Variants in FOXN3 observed in about 807,000 individuals in gnomAD.
FOXN3 encodes forkhead box N3.
In FOXN3, 7 loss-of-function variants were observed where a neutral mutation model predicts 38.4. The observed-to-expected ratio is 0.18, with a 90% CI of 0.10 to 0.34. The LOEUF is 0.34. FOXN3 is among the 10% of genes least tolerant of loss of function. FOXN3 has a pLI of 1.00. For missense variants in FOXN3, 456 were observed against 613.4 expected, an observed-to-expected ratio of 0.74 and a Z score of 2.71; for synonymous variants, 230 against 242.2, an observed-to-expected ratio of 0.95 and a Z score of 0.47.
chr14:89,360,777 A>AGCACCACCTCCAGCACCACCT (rs1889500671), intron 2 of FOXN3, among the ~76,000 whole-genome samples: 1 of 85,092 alleles, frequency 1.2e-5, no homozygotes, highest in Non-Finnish European at 2.4e-5. Flanking sequence ...TACCACCTCC[A>AGCACCACCTCCAGCACCACCT]CCACCACCTC....
rs555968083 is a variant in FOXN3, at chr14:89,168,857, T to C, written c.852-5888A>G. Among the ~76,000 whole-genome samples the C allele has an allele frequency of 6.9e-4, 105 of 152,276 alleles. 1 individual carries two copies. The highest frequency in any genetic ancestry group is 2.4e-3 in the African/African-American group (99 of 41,554). ...GACACAAAAAAGACAAAAAGATTTT[T>C]AAAGTAGTAGAAAGAAAACGTATCG... is the stretch of plus-strand genomic sequence containing the variant. On this transcript the variant is annotated intron_variant, in intron 5 of 5. Transcript: ENST00000557258.
upstream of FOXN3, among the ~76,000 whole-genome samples, chr14:89,421,481 C>G (rs1200033855): frequency 6.7e-6 from 1 of 149,648 alleles, no homozygotes; most frequent in African/African-American, 2.5e-5. Flanking sequence ...TGAAATCGTG[C>G]AATTGTCCGT....
intron 4 of FOXN3, among the ~76,000 whole-genome samples, chr14:89,237,856 CATCT>C (rs777728744): frequency 8.5e-5 from 13 of 152,216 alleles, no homozygotes; most frequent in African/African-American, 1.4e-4. Flanking sequence ...TATGACATCA[CATCT>C]ATCTATCTGT....
intron 4 of FOXN3, among the ~76,000 whole-genome samples, chr14:89,219,604 C>A (rs866087541): frequency 6.6e-6 from 1 of 152,076 alleles, no homozygotes; most frequent in African/African-American, 2.4e-5. Context: ...TGGATGGCTG[C>A]GACTCTTACC....
At chr14:89,565,260 C>G (rs1331688879) in intron 1 of FOXN3, among the ~76,000 whole-genome samples, 1 of 152,076 alleles carries the variant, frequency 6.6e-6, no homozygotes, top group Non-Finnish European at 1.5e-5. Flanking sequence ...TGGAACAGAT[C>G]CCCTCCTGGA....
intron 4 of FOXN3, among the ~76,000 whole-genome samples, chr14:89,200,630 G>A (rs1049085064): frequency 2.6e-5 from 4 of 152,200 alleles, no homozygotes; most frequent in South Asian, 2.1e-4. Flanking sequence ...AACAAGAACC[G>A]CTTTAACTTT....
At chr14:89,196,401 G>C (rs970736189) in intron 4 of FOXN3, among the ~76,000 whole-genome samples, 7 of 152,152 alleles carry the variant, frequency 4.6e-5, no homozygotes, top group Non-Finnish European at 1.0e-4. Flanking sequence ...TAAGTCCTGG[G>C]TCTGCTGACT....
Position 89,158,055 on chromosome 14 carries a change from A to G in FOXN3, c.*4359T>C, listed in dbSNP as rs1887018729. 6.6e-6 allele frequency: 1 copy of G among 152,358 alleles called. No individual in the cohort carries two copies. The highest frequency in any genetic ancestry group is 2.4e-5 in the African/African-American group (1 of 41,468). 9.4% of individuals were successfully genotyped at this position (152,358 alleles called of 1,614,324 possible). A position where few individuals can be genotyped will look rare whatever the true frequency, so the allele number is the denominator to read the frequency against. On this transcript the variant is annotated 3_prime_UTR_variant, in exon 6 of 6. Coordinates refer to ENST00000557258, the MANE Select transcript of FOXN3 (RefSeq NM_005197.4). Reference sequence around the variant, plus strand: ...TTAAAGGGAAAGAGAAATCACATGGAATTTAATCCAATCTCATCTAGAAAA... The same window carrying G: ...TTAAAGGGAAAGAGAAATCACATGGGATTTAATCCAATCTCATCTAGAAAA...
At chr14:89,421,145 CTT>C (rs570024684), upstream of FOXN3, among the ~76,000 whole-genome samples, 48,215 of 107,682 alleles carry the variant, frequency 0.45, 9,253 homozygotes, top group Admixed American at 0.54. Flanking sequence ...TTCTTTCTTT[CTT>C]TTTTTTTTTT....
At chr14:89,437,591 A>C (rs560938811) in intron 1 of FOXN3, among the ~76,000 whole-genome samples, 1 of 152,202 alleles carries the variant, frequency 6.6e-6, no homozygotes, top group Non-Finnish European at 1.5e-5. Flanking sequence ...TACTCCCACC[A>C]GTGCCATGAG....
intron 4 of FOXN3, among the ~76,000 whole-genome samples, chr14:89,199,282 G>A (rs1888175986): frequency 6.6e-6 from 1 of 152,194 alleles, no homozygotes; most frequent in Non-Finnish European, 1.5e-5. Flanking sequence ...GAGACAAAGT[G>A]ACGCCAGTGA....
At chr14:89,234,018 G>T (rs1215224980) in intron 4 of FOXN3, among the ~76,000 whole-genome samples, 2 of 133,254 alleles carry the variant, frequency 1.5e-5, no homozygotes, top group Non-Finnish European at 3.3e-5. Flanking sequence ...TCCCAGAGAC[G>T]TCAACCTACA....
Position 89,281,139 on chromosome 14 carries a change from T to C in FOXN3, c.681-125A>G, listed in dbSNP as rs1186604905. On this transcript the variant is annotated intron_variant, in intron 3 of 5. Transcript: ENST00000557258. The stretch of plus-strand genomic sequence containing the variant: ...ATTACTGACACCCTTTGAAAATGCA[T>C]CCTCGAAAACCATGAGGTCTGCTTT... 6.2e-5 allele frequency: 47 copies of C among 760,378 alleles called. 1 individual carries two copies. In the East Asian group the frequency reaches 1.3e-3, roughly 20 times the overall value. The allele number at this position is 760,378 out of a possible 1,614,324, so 47.1% of individuals were successfully genotyped here.
At chr14:89,352,050 T>G (rs1364462735) in intron 2 of FOXN3, among the ~76,000 whole-genome samples, 1 of 152,228 alleles carries the variant, frequency 6.6e-6, no homozygotes, top group Non-Finnish European at 1.5e-5. Context: ...TAACTCTTTC[T>G]GGTGCAATGA....
chr14:89,502,273 T>C (rs1370022613), intron 1 of FOXN3, among the ~76,000 whole-genome samples: 2 of 152,196 alleles, frequency 1.3e-5, no homozygotes, highest in African/African-American at 2.4e-5. Flanking sequence ...AAACTCAAGA[T>C]GGAGTTCCCA....
intron 3 of FOXN3, among the ~76,000 whole-genome samples, chr14:89,300,837 C>T (rs1349915949): frequency 6.6e-6 from 1 of 152,092 alleles, no homozygotes; most frequent in Admixed American, 6.5e-5. Context: ...CGCTCTGTTG[C>T]TCAGGCTGGA....
At chr14:89,256,687 G>A (rs901651641) in intron 4 of FOXN3, among the ~76,000 whole-genome samples, 7 of 152,108 alleles carry the variant, frequency 4.6e-5, no homozygotes, top group African/African-American at 9.7e-5. Context: ...TCCCTAATCC[G>A]TGAGAGTTTA....
intron 1 of FOXN3, among the ~76,000 whole-genome samples, chr14:89,460,984 C>T (rs1362858316): frequency 2.1e-5 from 3 of 142,350 alleles, no homozygotes; most frequent in African/African-American, 5.4e-5. Flanking sequence ...GCCGAGATCA[C>T]GTCATTGCAC....
At chr14:89,486,219 G>T (rs564265505) in intron 1 of FOXN3, among the ~76,000 whole-genome samples, 1 of 152,292 alleles carries the variant, frequency 6.6e-6, no homozygotes, top group South Asian at 2.1e-4. Context: ...TACGATTAAA[G>T]TAAAACATGA....
Sources: allele counts gnomAD v4.1 joint callset (sites outside exome capture counted in the v4.1 genomes callset), GRCh38; gene constraint gnomAD v4.1.1; transcripts MANE v1.5; gene names NCBI Gene and HGNC (gene_info 2026-07-23, HGNC 2026-07-21).